MYO9A: variants seen among roughly 807,000 people sequenced by gnomAD.
MYO9A encodes the protein unconventional myosin-IXa.
Under a neutral mutation model 293.3 loss-of-function variants are expected in MYO9A, and 103 were observed. The ratio of observed to expected loss-of-function variants is 0.35; its 90% CI spans 0.30 to 0.41. The LOEUF (loss-of-function observed/expected upper bound fraction) is 0.41, where lower values mean the gene tolerates loss of function less well. MYO9A is among the 10% of genes least tolerant of loss of function. The pLI, the probability that MYO9A is intolerant of heterozygous loss-of-function variation, is 1.00. For missense variants in MYO9A, 2,685 were observed against 3,033.0 expected (o/e 0.89, Z 2.69); for synonymous variants, 1,001 against 1,035.7 (o/e 0.97, Z 0.64).
chr15:71,928,006 T>A (rs2058358881), intron 18 of MYO9A, among the ~76,000 whole-genome samples: 1 of 110,342 alleles, frequency 9.1e-6, no homozygotes, highest in African/African-American at 3.0e-5. Context: ...CTCCATGCTG[T>A]TTTGATTACA....
In MYO9A at chr15:71,898,481, T is replaced by C. The variant is rs371522823; in HGVS notation, c.4022A>G (p.Lys1341Arg). The C allele has an allele frequency of 9.6e-5, 155 of 1,613,964 alleles. No homozygotes were observed. Among genetic ancestry groups the C allele is most frequent in the Non-Finnish European group, 1.3e-4 (149 of 1,180,038 alleles). Residue 1341 changes from lysine (K) to arginine (R), a missense_variant, in exon 25 of 42, where the codon AAG (lysine) becomes AGG (arginine). Coordinates refer to ENST00000356056, the MANE Select transcript of MYO9A (RefSeq NM_006901.4). ...LELLSYEESQ[K>R]SKLESVISDE... ...TGAAATGACAGACTCTAGTTTGCTCTTTTGGCTTTCCTCATAGCTCAGAAG... is the reference window on the plus strand; with the variant it reads ...TGAAATGACAGACTCTAGTTTGCTCCTTTGGCTTTCCTCATAGCTCAGAAG...
rs1263465432 is a variant in MYO9A, at chr15:71,825,985, GTTTTTTTTTGT to G, written c.*584_*594del. The G allele has an allele frequency of 8.5e-6, 1 of 117,684 alleles. No individual in the cohort carries two copies. The highest frequency in any genetic ancestry group is 1.7e-5 in the Non-Finnish European group (1 of 57,198). 7.3% of individuals were successfully genotyped at this position (117,684 alleles called of 1,614,324 possible). On this transcript the variant is annotated 3_prime_UTR_variant, in exon 42 of 42. Coordinates refer to ENST00000356056, the MANE Select transcript of MYO9A (RefSeq NM_006901.4). Reference sequence around the variant, plus strand: ...TGATGGCTTAATGGAAACAATCACGGTTTTTTTTTGTTTTTTTTTTTTTGTTTTTTTTTTTT... The same window carrying G: ...TGATGGCTTAATGGAAACAATCACGGTTTTTTTTTTTTGTTTTTTTTTTTT...
At chr15:71,982,177 G>A (rs1448805514) in intron 11 of MYO9A, among the ~76,000 whole-genome samples, 1 of 151,702 alleles carries the variant, frequency 6.6e-6, no homozygotes, top group East Asian at 1.9e-4. Context: ...CTGCCACCAT[G>A]CCTGGCTAAC....
intron 2 of MYO9A, among the ~76,000 whole-genome samples, chr15:72,037,810 A>G (rs2078102456): frequency 6.6e-6 from 1 of 152,196 alleles, no homozygotes; most frequent in Non-Finnish European, 1.5e-5. Flanking sequence ...GACATGCAAA[A>G]AAGTACAAAA....
At chr15:71,859,706 T>C (rs1038867430) in intron 34 of MYO9A, 29 bp downstream of exon 34, 8 of 1,576,782 alleles carry the variant, frequency 5.1e-6, no homozygotes, top group Middle Eastern at 1.7e-4. Context: ...AGGTCTGTTA[T>C]CTATTACTGA....
chr15:72,073,883 T>G (rs2079267109), intron 1 of MYO9A, among the ~76,000 whole-genome samples: 1 of 152,202 alleles, frequency 6.6e-6, no homozygotes, highest in Non-Finnish European at 1.5e-5. Context: ...ACAAGTTATT[T>G]AACTTCAAAT....
intron 39 of MYO9A, among the ~76,000 whole-genome samples, chr15:71,839,392 G>A (rs1221623040): frequency 6.6e-6 from 1 of 151,956 alleles, no homozygotes; most frequent in Non-Finnish European, 1.5e-5. Flanking sequence ...TCTTTGATGT[G>A]AATCAGGTTT....
At chr15:71,883,404 T>C (rs2056931001) in intron 28 of MYO9A, among the ~76,000 whole-genome samples, 190 bp downstream of exon 28, 2 of 152,224 alleles carry the variant, frequency 1.3e-5, no homozygotes, top group Non-Finnish European at 2.9e-5. Context: ...GATGCATTTT[T>C]TGGAAACTTC....
chr15:71,852,006 G>A, intron 36 of MYO9A, 126 bp downstream of exon 36: 1 of 1,151,100 alleles, frequency 8.7e-7, no homozygotes, highest in Non-Finnish European at 1.2e-6. Context: ...TGTATTCACT[G>A]TCAAAAGCTT....
At chr15:71,949,303 A>G (rs1274367896) in intron 15 of MYO9A, among the ~76,000 whole-genome samples, 2 of 152,096 alleles carry the variant, frequency 1.3e-5, no homozygotes, top group Non-Finnish European at 2.9e-5. Context: ...CCCAGGTTCA[A>G]GCAATTCTTG....
At chr15:72,031,086 G>A (rs575418701) in intron 3 of MYO9A, among the ~76,000 whole-genome samples, 1 of 152,300 alleles carries the variant, frequency 6.6e-6, no homozygotes, top group South Asian at 2.1e-4. Flanking sequence ...CACTCCTTAT[G>A]AGAATTTAAT....
intron 1 of MYO9A, among the ~76,000 whole-genome samples, chr15:72,080,215 T>C (rs1462722081): frequency 6.6e-6 from 1 of 151,978 alleles, no homozygotes; most frequent in Non-Finnish European, 1.5e-5. Flanking sequence ...GTATCCATTA[T>C]ATCAGAATAA....
At chr15:71,935,050 GGGCCTGTCT>G in intron 17 of MYO9A, 1 of 218,104 alleles carries the variant, frequency 4.6e-6, no homozygotes, top group Non-Finnish European at 9.0e-6. Flanking sequence ...TCTGAAGGTA[GGGCCTGTCT>G]AAACAATAAG....
intron 19 of MYO9A, among the ~76,000 whole-genome samples, chr15:71,907,212 C>T (rs1233354308): frequency 5.3e-5 from 8 of 150,652 alleles, no homozygotes; most frequent in Non-Finnish European, 1.0e-4. Context: ...TTTGTTTTTG[C>T]GATAGTTTAC....
At chr15:72,023,772 TA>T (rs2077578081) in intron 4 of MYO9A, among the ~76,000 whole-genome samples, 2 of 147,898 alleles carry the variant, frequency 1.4e-5, no homozygotes, top group African/African-American at 5.0e-5. Context: ...GAAAGGGACA[TA>T]AAGAATACTT....
chr15:72,108,301 T>C (rs2080648805), intron 1 of MYO9A, among the ~76,000 whole-genome samples: 1 of 152,224 alleles, frequency 6.6e-6, no homozygotes, highest in Non-Finnish European at 1.5e-5. Context: ...CAACATGATA[T>C]ACAACATCAC....
intron 1 of MYO9A, among the ~76,000 whole-genome samples, chr15:72,113,348 G>A (rs1356193942): frequency 6.6e-6 from 1 of 152,146 alleles, no homozygotes; most frequent in Non-Finnish European, 1.5e-5. Flanking sequence ...AGCAAAGAAA[G>A]GGGAAAGTGG....
At chr15:71,835,632 A>C (rs1368579020) in intron 39 of MYO9A, among the ~76,000 whole-genome samples, 1 of 152,204 alleles carries the variant, frequency 6.6e-6, no homozygotes, top group African/African-American at 2.4e-5. Flanking sequence ...AATGATCTAC[A>C]TGAATGAAGA....
chr15:72,083,620 T>C (rs1336354303), intron 1 of MYO9A, among the ~76,000 whole-genome samples: 1 of 152,212 alleles, frequency 6.6e-6, no homozygotes, highest in African/African-American at 2.4e-5. Context: ...GAGATCTTTT[T>C]AACTTTTTCA....
Sources: gnomAD v4.1 joint callset for allele counts (sites outside exome capture counted in the v4.1 genomes callset) on GRCh38, gnomAD v4.1.1 for gene constraint, MANE v1.5 for transcripts, NCBI Gene and HGNC (gene_info 2026-07-23, HGNC 2026-07-21) for gene names.